MYLK: variants seen among roughly 807,000 people sequenced by gnomAD.
MYLK encodes myosin light chain kinase.
In MYLK, 106 loss-of-function variants were observed where a neutral mutation model predicts 203.4. The observed-to-expected ratio is 0.52, with a 90% CI of 0.45 to 0.61. The LOEUF is 0.61. Among genes scored for constraint, MYLK ranks in the 20% least tolerant of loss-of-function variants. The pLI is 0.00. For synonymous variants in MYLK, 867 were observed against 959.5 expected, an observed-to-expected ratio of 0.90 and a Z score of 1.78; for missense variants, 2,072 against 2,442.3, an observed-to-expected ratio of 0.85 and a Z score of 3.20.
intron 2 of MYLK, among the ~76,000 whole-genome samples, chr3:123,869,123 T>C (rs960485593): frequency 6.6e-6 from 1 of 152,116 alleles, no homozygotes; most frequent in Non-Finnish European, 1.5e-5. Context: ...GGAGCTGTAG[T>C]GCCCTTAACT....
intron 9 of MYLK, 128 bp downstream of exon 9, chr3:123,735,270 A>G: frequency 1.6e-6 from 2 of 1,280,258 alleles, no homozygotes; most frequent in Non-Finnish European, 2.3e-6. Flanking sequence ...CCAAAATAAA[A>G]CAACATCCTC....
rs2061517731 is a variant in MYLK at position 123,707,749 on chromosome 3, C to T, written c.2390+5G>A. ...AAGGGAGGCTGGCTGGACATGCAGA[C>T]TCACTTGAGCAGGATCTCATACTGG... On this transcript the variant is annotated splice_donor_5th_base_variant and intron_variant, in intron 16 of 33. Coordinates refer to ENST00000360304, the MANE Select transcript of MYLK (RefSeq NM_053025.4). 7 of 1,614,172 alleles carry T rather than the reference C, an allele frequency of 4.3e-6. No homozygotes were observed. Among genetic ancestry groups the T allele is most frequent in the Non-Finnish European group, 5.9e-6 (7 of 1,180,050 alleles).
In MYLK at chr3:123,773,064, T is replaced by TAA. The variant is rs533739853; in HGVS notation, c.166-20527_166-20526insTT. Among the ~76,000 whole-genome samples the TAA allele has an allele frequency of 5.5e-3, 838 of 152,240 alleles. 13 individuals are homozygous for TAA. The highest frequency in any genetic ancestry group is 0.018 in the African/African-American group (766 of 41,580). On this transcript the variant is annotated intron_variant, in intron 4 of 33. Transcript: ENST00000360304. ...TCAAAGATGTCCATGAAGATGTTTA[T>TAA]GTTTATTTAAAAGATTAAATATTAG...
chr3:123,638,996 C>T (rs1472246881), intron 28 of MYLK: 4 of 985,356 alleles, frequency 4.1e-6, no homozygotes, highest in Non-Finnish European at 4.8e-6. Flanking sequence ...CAATTCCTGC[C>T]TCTCAGCCCT....
intron 18 of MYLK, among the ~76,000 whole-genome samples, chr3:123,698,586 G>A (rs1196395911): frequency 1.3e-5 from 2 of 152,196 alleles, no homozygotes; most frequent in South Asian, 2.1e-4. Context: ...CAGGGGAGGG[G>A]GGCTGAGCCA....
Position 123,854,157 on chromosome 3 carries a change from A to G in MYLK, c.-127+22402T>C, listed in dbSNP as rs1311520990. ...CTAGTCGCCGGCTGACCATAGAGGC[A>G]TGATAGAGTCCAATCAAGATCTGCT... is the stretch of plus-strand genomic sequence containing the variant. On this transcript the variant is annotated intron_variant, in intron 2 of 33. Transcript: ENST00000360304. Among the ~76,000 whole-genome samples, 4 of 149,722 alleles carry G rather than the reference A, an allele frequency of 2.7e-5. No homozygotes were observed. In the Admixed American group the frequency reaches 2.7e-4, roughly 10 times the overall value.
At chr3:123,650,521 G>T (rs1219323476) in intron 24 of MYLK, among the ~76,000 whole-genome samples, 1 of 152,014 alleles carries the variant, frequency 6.6e-6, no homozygotes, top group African/African-American at 2.4e-5. Context: ...AAATGCTGCT[G>T]ACAAAGCTTA....
chr3:123,654,713 C>CTT lies in MYLK; in HGVS notation c.4288+2411_4288+2412dup, dbSNP rs1201129769. 3.9e-3 allele frequency among the ~76,000 whole-genome samples: 489 copies of CTT among 125,248 alleles called. 5 individuals are homozygous for CTT. Among genetic ancestry groups the CTT allele is most frequent in the African/African-American group, 7.7e-3 (238 of 30,766 alleles). 82.2% of individuals were successfully genotyped at this position (125,248 alleles called of 152,430 possible). A position where few individuals can be genotyped will look rare whatever the true frequency, so the allele number is the denominator to read the frequency against. ...TTTTCTTATCCTATATTCTTTAATTCTTTTTTTTTTTTTTTTTTTTTGAGA... is the reference window on the plus strand; with the variant it reads ...TTTTCTTATCCTATATTCTTTAATTCTTTTTTTTTTTTTTTTTTTTTTTGAGA... On this transcript the variant is annotated intron_variant, in intron 24 of 33. Coordinates refer to ENST00000360304, the MANE Select transcript of MYLK (RefSeq NM_053025.4).
chr3:123,641,357 G>A (rs1413307489), intron 27 of MYLK, among the ~76,000 whole-genome samples: 6 of 152,108 alleles, frequency 3.9e-5, no homozygotes, highest in Admixed American at 3.9e-4. Context: ...CTTGGTCTCT[G>A]CTTAGCAAGT....
intron 4 of MYLK, among the ~76,000 whole-genome samples, chr3:123,784,153 A>G (rs1443280847): frequency 6.6e-6 from 1 of 152,136 alleles, no homozygotes; most frequent in Non-Finnish European, 1.5e-5. Context: ...AATGGTGGGG[A>G]CTATAACGAC....
intron 2 of MYLK, among the ~76,000 whole-genome samples, chr3:123,861,107 G>A (rs1647585047): frequency 6.7e-6 from 1 of 149,784 alleles, no homozygotes; most frequent in Non-Finnish European, 1.5e-5. Context: ...TCTAGCCTGG[G>A]CGATAGAGCG....
chr3:123,767,021 A>G (rs1178136930), intron 4 of MYLK, among the ~76,000 whole-genome samples: 1 of 152,228 alleles, frequency 6.6e-6, no homozygotes, highest in African/African-American at 2.4e-5. Flanking sequence ...ATGCCACTGA[A>G]ATCTCTTTTC....
intron 20 of MYLK, among the ~76,000 whole-genome samples, chr3:123,678,803 T>G (rs1174471859): frequency 6.6e-6 from 1 of 152,152 alleles, no homozygotes; most frequent in Non-Finnish European, 1.5e-5. Flanking sequence ...GATGTACTTG[T>G]GCCTGTATAT....
intron 4 of MYLK, among the ~76,000 whole-genome samples, chr3:123,766,010 A>G (rs573351839): frequency 1.1e-4 from 16 of 152,350 alleles, no homozygotes; most frequent in African/African-American, 2.9e-4. Flanking sequence ...TGGTTGTGCA[A>G]CAATGTGAAT....
At chr3:123,780,858 C>T (rs1430725383) in intron 4 of MYLK, among the ~76,000 whole-genome samples, 1 of 152,186 alleles carries the variant, frequency 6.6e-6, no homozygotes, top group Non-Finnish European at 1.5e-5. Context: ...TGTCTAGAGG[C>T]TCACATTCTA....
At chr3:123,781,472 C>T (rs1297012732) in intron 4 of MYLK, among the ~76,000 whole-genome samples, 1 of 152,222 alleles carries the variant, frequency 6.6e-6, no homozygotes, top group Non-Finnish European at 1.5e-5. Context: ...TTTCATTCTG[C>T]ATATCTTTCC....
chr3:123,761,431 T>C (rs967122174), intron 4 of MYLK, among the ~76,000 whole-genome samples: 1 of 152,150 alleles, frequency 6.6e-6, no homozygotes, highest in Admixed American at 6.5e-5. Flanking sequence ...AGGTGGCGGC[T>C]CTGAGGGACG....
intron 3 of MYLK, among the ~76,000 whole-genome samples, chr3:123,803,066 G>T (rs1460628120): frequency 1.3e-5 from 2 of 152,142 alleles, no homozygotes; most frequent in Non-Finnish European, 2.9e-5. Flanking sequence ...CTGAAGCCCA[G>T]GAAATCGACT....
At chr3:123,734,246 T>TTGGGGGG in intron 9 of MYLK, 24 bp from the exon 10 acceptor site, 1 of 1,415,790 alleles carries the variant, frequency 7.1e-7, no homozygotes. Context: ...AGGGTGGGGG[T>TTGGGGGG]AGGGTGGGTG....
Sources: allele counts gnomAD v4.1 joint callset (sites outside exome capture counted in the v4.1 genomes callset), GRCh38; gene constraint gnomAD v4.1.1; transcripts MANE v1.5; gene names NCBI Gene and HGNC (gene_info 2026-07-23, HGNC 2026-07-21).